Variants in OR2L13 observed in about 807,000 individuals in gnomAD.
OR2L13 encodes olfactory receptor family 2 subfamily L member 13.
A neutral mutation model predicts 15.3 loss-of-function variants in OR2L13; 14 were observed. The observed-to-expected ratio is 0.91, with a 90% confidence interval of 0.60 to 1.43. The LOEUF (loss-of-function observed/expected upper bound fraction) is 1.43. Among genes scored for constraint, OR2L13 ranks in the 40% most tolerant of loss-of-function variants. OR2L13 has a pLI of 0.00. For synonymous variants in OR2L13, 152 were observed against 142.9 expected, an observed-to-expected ratio of 1.06 and a Z score of -0.45; for missense variants, 367 against 387.9, an observed-to-expected ratio of 0.95 and a Z score of 0.45.
the OR2L13 span, chr1:247,975,060 C>T: frequency 3.1e-6 from 1 of 320,376 alleles, no homozygotes; most frequent in Non-Finnish European, 6.3e-6. Context: ...GTGACTTTAG[C>T]AGGTGCAGAA....
chr1:248,063,642 G>C, the OR2L13 span, among the ~76,000 whole-genome samples: 3 of 152,182 alleles, frequency 2.0e-5, no homozygotes, highest in Non-Finnish European at 4.4e-5. Flanking sequence ...GCTGCTGCCA[G>C]GGAGAGCACC....
At chr1:247,940,757 C>CGCGT in the OR2L13 span, among the ~76,000 whole-genome samples, 1 of 147,288 alleles carries the variant, frequency 6.8e-6, no homozygotes, top group African/African-American at 2.5e-5. Context: ...TGTGTGTGTG[C>CGCGT]GCGCGCTAAG....
chr1:248,042,764 ACT>A, the OR2L13 span, among the ~76,000 whole-genome samples: 1 of 151,982 alleles, frequency 6.6e-6, no homozygotes, highest in African/African-American at 2.4e-5. Flanking sequence ...ATATTTTAAA[ACT>A]CTCTTTCTCA....
chr1:248,044,824 A>C, the OR2L13 span, among the ~76,000 whole-genome samples: 12 of 82,728 alleles, frequency 1.5e-4, no homozygotes, highest in South Asian at 2.6e-4. Context: ...AAAAAAAAAA[A>C]AAAAAAAAAA....
chr1:247,990,708 T>C, the OR2L13 span: 1 of 1,550,016 alleles, frequency 6.5e-7, no homozygotes, highest in Non-Finnish European at 8.9e-7. Flanking sequence ...TAACAGGATC[T>C]TGGATGATAG....
the OR2L13 span, chr1:248,055,789 T>C: frequency 6.6e-6 from 1 of 152,122 alleles, no homozygotes; most frequent in African/African-American, 2.4e-5. Context: ...AGGAAAAAAA[T>C]GATTTAGGGT....
At chr1:247,998,375 C>G in the OR2L13 span, among the ~76,000 whole-genome samples, 1 of 152,022 alleles carries the variant, frequency 6.6e-6, no homozygotes, top group Non-Finnish European at 1.5e-5. Flanking sequence ...TGAAATTAAC[C>G]CACATTCACA....
At chr1:247,943,248 G>C in the OR2L13 span, among the ~76,000 whole-genome samples, 1 of 152,080 alleles carries the variant, frequency 6.6e-6, no homozygotes, top group Non-Finnish European at 1.5e-5. Context: ...CATAAAGATG[G>C]GAATAGTAGA....
At chr1:248,099,732 C>T (rs1438157332) in exon 3 of OR2L13, 3 of 1,614,038 alleles carry the variant, frequency 1.9e-6, no homozygotes, top group Admixed American at 1.7e-5. Flanking sequence ...CCATGGCCTA[C>T]GACCGTTATT....
the OR2L13 span, chr1:248,061,172 A>G: frequency 6.2e-7 from 1 of 1,612,954 alleles, no homozygotes; most frequent in Non-Finnish European, 8.5e-7. Flanking sequence ...TATGTACTCC[A>G]TATTCCTTAT....
At chr1:247,940,757 C>T in the OR2L13 span, among the ~76,000 whole-genome samples, 135,147 of 147,220 alleles carry the variant, frequency 0.92, 61,929 homozygotes, top group Middle Eastern at 0.98. Context: ...TGTGTGTGTG[C>T]GCGCGCTAAG....
At chr1:248,085,736 G>T in the OR2L13 span, among the ~76,000 whole-genome samples, 4 of 152,222 alleles carry the variant, frequency 2.6e-5, no homozygotes, top group South Asian at 2.1e-4. Context: ...TAAACCAGTG[G>T]TCCCCAAACT....
At chr1:248,005,057 A>G in the OR2L13 span, among the ~76,000 whole-genome samples, 1 of 152,194 alleles carries the variant, frequency 6.6e-6, no homozygotes, top group Admixed American at 6.5e-5. Context: ...GATGGTTAAC[A>G]GTTGCAAAAA....
the OR2L13 span, among the ~76,000 whole-genome samples, chr1:247,964,534 T>C: frequency 6.6e-6 from 1 of 152,208 alleles, no homozygotes; most frequent in Non-Finnish European, 1.5e-5. Context: ...TCTTTTATTA[T>C]TTTTAAAGTT....
chr1:248,085,121 A>G, the OR2L13 span, among the ~76,000 whole-genome samples: 1 of 152,026 alleles, frequency 6.6e-6, no homozygotes, highest in South Asian at 2.1e-4. Flanking sequence ...CATATAGTGT[A>G]TGCACTCCCC....
At chr1:248,086,900 A>G in the OR2L13 span, among the ~76,000 whole-genome samples, 4 of 151,332 alleles carry the variant, frequency 2.6e-5, no homozygotes, top group African/African-American at 7.3e-5. Context: ...ATTTATTTCT[A>G]TTTGTCTTTC....
chr1:248,085,685 T>C, the OR2L13 span, among the ~76,000 whole-genome samples: 1 of 152,106 alleles, frequency 6.6e-6, no homozygotes, highest in African/African-American at 2.4e-5. Flanking sequence ...AAGGAGAAAG[T>C]TATATAACAT....
chr1:247,957,477 T>A, the OR2L13 span, among the ~76,000 whole-genome samples: 1 of 152,210 alleles, frequency 6.6e-6, no homozygotes, highest in Non-Finnish European at 1.5e-5. Flanking sequence ...TAAGGAGGAT[T>A]CCCTCTTTTT....
the OR2L13 span, chr1:247,991,137 C>A: frequency 6.2e-7 from 1 of 1,606,460 alleles, no homozygotes; most frequent in Non-Finnish European, 8.5e-7. Flanking sequence ...TCATCTACAG[C>A]CTGAGAAACA....
Sources: gnomAD v4.1 joint callset for allele counts (sites outside exome capture counted in the v4.1 genomes callset) on GRCh38, gnomAD v4.1.1 for gene constraint, MANE v1.5 for transcripts, NCBI Gene and HGNC (gene_info 2026-07-23, HGNC 2026-07-21) for gene names.